Variants in FNDC3A observed in about 807,000 individuals in gnomAD.
FNDC3A encodes fibronectin type III domain containing 3A.
In FNDC3A, 32 loss-of-function variants were observed where a neutral mutation model predicts 148.9. The ratio of observed to expected loss-of-function variants is 0.21; its 90% CI spans 0.16 to 0.29. FNDC3A has a LOEUF of 0.29. FNDC3A is among the 10% of genes least tolerant of loss of function. The probability of loss-of-function intolerance (pLI) is 1.00; values close to 1 mark genes in which losing one functional copy is unlikely to be tolerated. For missense variants in FNDC3A, 1,191 were observed against 1,452.8 expected, an observed-to-expected ratio of 0.82 and a Z score of 2.93; for synonymous variants, 472 against 473.6, an observed-to-expected ratio of 1.00 and a Z score of 0.04.
rs1266846345 is a variant in FNDC3A, at chr13:49,208,242, G to A, written c.*847G>A. ...ATAAGGGTATACACATACATATATGGCATATAACAAGTGTACACATATACA... is the reference window on the plus strand; with the variant it reads ...ATAAGGGTATACACATACATATATGACATATAACAAGTGTACACATATACA... On this transcript the variant is annotated 3_prime_UTR_variant, in exon 26 of 26. Transcript: ENST00000492622. 2 of 152,246 alleles carry A rather than the reference G, an allele frequency of 1.3e-5. No individual in the cohort carries two copies. Among genetic ancestry groups the A allele is most frequent in the Non-Finnish European group, 2.9e-5 (2 of 67,992 alleles). 9.4% of individuals were successfully genotyped at this position (152,246 alleles called of 1,614,324 possible). A position where few individuals can be genotyped will look rare whatever the true frequency, so the allele number is the denominator to read the frequency against.
intron 2 of FNDC3A, among the ~76,000 whole-genome samples, chr13:49,032,548 A>C (rs1044929041): frequency 3.9e-5 from 6 of 152,202 alleles, no homozygotes; most frequent in African/African-American, 1.4e-4. Context: ...CAGACTGGCT[A>C]ACAGGGTGAA....
intron 2 of FNDC3A, among the ~76,000 whole-genome samples, chr13:49,035,306 T>C (rs1405019427): frequency 6.6e-6 from 1 of 152,054 alleles, no homozygotes; most frequent in Non-Finnish European, 1.5e-5. Flanking sequence ...CACAAATCCT[T>C]AGTTGCATAT....
chr13:49,076,618 A>C (rs1477778353), intron 3 of FNDC3A, among the ~76,000 whole-genome samples: 1 of 151,954 alleles, frequency 6.6e-6, no homozygotes, highest in East Asian at 1.9e-4. Flanking sequence ...GATCATTGTG[A>C]AGGTTCCTGA....
At chr13:49,059,647 G>C (rs538030771) in intron 2 of FNDC3A, among the ~76,000 whole-genome samples, 2 of 152,010 alleles carry the variant, frequency 1.3e-5, no homozygotes, top group Admixed American at 1.3e-4. Context: ...GTAGAGACAG[G>C]GTTTCACCAT....
chr13:49,203,313 G>T, intron 25 of FNDC3A, 29 bp downstream of exon 25: 1 of 1,530,546 alleles, frequency 6.5e-7, no homozygotes, highest in Non-Finnish European at 8.9e-7. Flanking sequence ...ATGTGTGGAT[G>T]CATATTTTTA....
At chr13:49,192,693 G>A (rs1214159508) in intron 19 of FNDC3A, among the ~76,000 whole-genome samples, 1 of 152,164 alleles carries the variant, frequency 6.6e-6, no homozygotes, top group Non-Finnish European at 1.5e-5. Flanking sequence ...CAAGGCTGCA[G>A]TACACTAGGA....
At chr13:49,012,049 T>C (rs939095350) in intron 2 of FNDC3A, among the ~76,000 whole-genome samples, 5 of 152,196 alleles carry the variant, frequency 3.3e-5, no homozygotes, top group Non-Finnish European at 5.9e-5. Context: ...AATGATACTT[T>C]TGTCATGTAT....
chr13:49,118,063 TGAA>T (rs1881080023), intron 4 of FNDC3A, among the ~76,000 whole-genome samples: 1 of 152,246 alleles, frequency 6.6e-6, no homozygotes, highest in Admixed American at 6.5e-5. Flanking sequence ...TAATTTAAGA[TGAA>T]GATTATCTCT....
In FNDC3A at chr13:49,006,286, A is replaced by G. The variant is rs1247659522; in HGVS notation, c.96A>G (p.Gln32=). 1 of 1,568,186 alleles carries G rather than the reference A, an allele frequency of 6.4e-7. No homozygotes were observed. Among genetic ancestry groups the G allele is most frequent in the Admixed American group, 1.7e-5 (1 of 59,006 alleles). The change falls in exon 2 of 26, where the codon CAA becomes CAG. Residue 32 remains glutamine, a synonymous_variant. Transcript: ENST00000492622. ...CTATTGTAAGTGCAGATGGAACACAACAGGTAAGAAAACTGAAATGTTTAT... is the reference window on the plus strand; with the variant it reads ...CTATTGTAAGTGCAGATGGAACACAGCAGGTAAGAAAACTGAAATGTTTAT... The part of the protein sequence containing the change: ...SAPIVSADGT[Q]QVILVQVNPG...
chr13:49,188,405 C>A (rs1885699792), intron 16 of FNDC3A, 110 bp from the exon 17 acceptor site: 2 of 687,904 alleles, frequency 2.9e-6, no homozygotes, highest in Admixed American at 5.0e-5. Context: ...TTGTTTCTGA[C>A]AAATTACACA....
intron 2 of FNDC3A, among the ~76,000 whole-genome samples, chr13:49,060,643 CAAAAAAAAAAAAA>C (rs35534890): frequency 8.4e-5 from 5 of 59,730 alleles, no homozygotes; most frequent in East Asian, 4.9e-4. Flanking sequence ...GACTCGGTCT[CAAAAAAAAAAAAA>C]AAAAAAAAAA....
chr13:49,050,056 C>T (rs888988543), intron 2 of FNDC3A, among the ~76,000 whole-genome samples: 1 of 152,120 alleles, frequency 6.6e-6, no homozygotes, highest in Non-Finnish European at 1.5e-5. Context: ...CACTAATGGT[C>T]TATCAGTTTT....
intron 10 of FNDC3A, among the ~76,000 whole-genome samples, chr13:49,169,032 C>A (rs896441746): frequency 2.0e-5 from 3 of 152,100 alleles, no homozygotes; most frequent in African/African-American, 7.2e-5. Flanking sequence ...ACCCATTACT[C>A]CTTTTTGTAA....
chr13:49,027,176 A>G (rs1306146110), intron 2 of FNDC3A, among the ~76,000 whole-genome samples: 4 of 152,202 alleles, frequency 2.6e-5, no homozygotes, highest in African/African-American at 9.6e-5. Context: ...TTGAGACTAG[A>G]CTCAATATCT....
At chr13:49,187,739 A>G in intron 16 of FNDC3A, 2 of 1,039,812 alleles carry the variant, frequency 1.9e-6, no homozygotes, top group Non-Finnish European at 2.9e-6. Flanking sequence ...CCTCACCAAG[A>G]CCTTTTTTTT....
At chr13:49,065,932 A>G (rs1464037602) in intron 2 of FNDC3A, among the ~76,000 whole-genome samples, 1 of 152,214 alleles carries the variant, frequency 6.6e-6, no homozygotes, top group Non-Finnish European at 1.5e-5. Flanking sequence ...AATGATTTAA[A>G]GTTGTCTGGT....
chr13:49,047,702 G>A (rs536917222), intron 2 of FNDC3A, among the ~76,000 whole-genome samples: 26 of 152,120 alleles, frequency 1.7e-4, no homozygotes, highest in South Asian at 1.2e-3. Context: ...GTCCTTTGTC[G>A]GATGTATAGC....
intron 10 of FNDC3A, among the ~76,000 whole-genome samples, chr13:49,171,827 C>T (rs781326716): frequency 9.9e-5 from 15 of 152,090 alleles, no homozygotes; most frequent in African/African-American, 1.9e-4. Flanking sequence ...GTTCAGTGTT[C>T]GGAAAGACTT....
intron 2 of FNDC3A, among the ~76,000 whole-genome samples, chr13:49,050,815 TG>T (rs1250469041): frequency 6.6e-6 from 1 of 152,198 alleles, no homozygotes; most frequent in Non-Finnish European, 1.5e-5. Context: ...TTTATAAATG[TG>T]GGGGCTCCAG....
Sources: gnomAD v4.1 joint callset for allele counts (sites outside exome capture counted in the v4.1 genomes callset) on GRCh38, gnomAD v4.1.1 for gene constraint, MANE v1.5 for transcripts, NCBI Gene and HGNC (gene_info 2026-07-23, HGNC 2026-07-21) for gene names.